Variants in DPP10 observed in about 807,000 individuals in gnomAD.
DPP10 encodes dipeptidyl peptidase like 10, also known as inactive dipeptidyl peptidase 10.
A neutral mutation model predicts 120.9 loss-of-function variants in DPP10; 33 were observed. That is an observed-to-expected ratio of 0.27 (90% CI 0.21 to 0.37). The LOEUF (loss-of-function observed/expected upper bound fraction) is 0.37, where lower values mean the gene tolerates loss of function less well. Among genes scored for constraint, DPP10 ranks in the 10% least tolerant of loss-of-function variants. DPP10 has a pLI of 1.00. For synonymous variants in DPP10, 337 were observed against 326.1 expected, an observed-to-expected ratio of 1.03 and a Z score of -0.36; for missense variants, 816 against 942.8, an observed-to-expected ratio of 0.87 and a Z score of 1.76.
intron 2 of DPP10, among the ~76,000 whole-genome samples, chr2:115,337,885 A>G (rs924919064): frequency 1.3e-5 from 2 of 151,956 alleles, no homozygotes; most frequent in Non-Finnish European, 2.9e-5. Flanking sequence ...TGAAGTATAT[A>G]GTTTTCTCAG....
At chr2:115,220,926 TATA>T (rs2105415292) in intron 1 of DPP10, among the ~76,000 whole-genome samples, 1 of 135,694 alleles carries the variant, frequency 7.4e-6, no homozygotes, top group East Asian at 2.2e-4. Flanking sequence ...TATATTCATA[TATA>T]ATATTTATAT....
At chr2:114,494,115 A>AAAAAAAAAC (rs1558810512) in intron 1 of DPP10, among the ~76,000 whole-genome samples, 2 of 142,546 alleles carry the variant, frequency 1.4e-5, no homozygotes, top group Non-Finnish European at 3.1e-5. Flanking sequence ...AAAAAAAAAA[A>AAAAAAAAAC]AAAAAACCCA....
chr2:115,317,425 A>C (rs1331394779), intron 2 of DPP10, among the ~76,000 whole-genome samples: 1 of 152,086 alleles, frequency 6.6e-6, no homozygotes, highest in East Asian at 1.9e-4. Context: ...AGATTGTGCT[A>C]CTGTGAACCT....
At chr2:115,528,714 A>G (rs1381257988) in intron 5 of DPP10, among the ~76,000 whole-genome samples, 2 of 152,112 alleles carry the variant, frequency 1.3e-5, no homozygotes, top group East Asian at 3.8e-4. Context: ...GTAGACAGAA[A>G]CATGGATAAA....
intron 3 of DPP10, among the ~76,000 whole-genome samples, chr2:115,483,524 A>G (rs1392861595): frequency 6.6e-6 from 1 of 151,366 alleles, no homozygotes; most frequent in Non-Finnish European, 1.5e-5. Context: ...TGTAAAACTA[A>G]TATTGTTTGG....
At chr2:114,842,958 T>C (rs529965168) in intron 1 of DPP10, among the ~76,000 whole-genome samples, 22 of 152,064 alleles carry the variant, frequency 1.4e-4, no homozygotes, top group Non-Finnish European at 2.9e-4. Flanking sequence ...GCACTGCCCA[T>C]AACATCAGAG....
intron 1 of DPP10, among the ~76,000 whole-genome samples, chr2:114,659,791 T>C (rs1697255224): frequency 6.6e-6 from 1 of 152,122 alleles, no homozygotes; most frequent in South Asian, 2.1e-4. Flanking sequence ...TGTCTAGTTT[T>C]GTTATAAGGA....
chr2:114,685,794 T>C (rs1362021573), intron 1 of DPP10, among the ~76,000 whole-genome samples: 2 of 151,960 alleles, frequency 1.3e-5, no homozygotes, highest in African/African-American at 2.4e-5. Context: ...TGCCACCTTA[T>C]TAAGACCCCA....
intron 1 of DPP10, among the ~76,000 whole-genome samples, chr2:115,006,808 A>G (rs994685536): frequency 6.6e-6 from 1 of 151,872 alleles, no homozygotes; most frequent in Non-Finnish European, 1.5e-5. Context: ...AGACAGATCA[A>G]TGAGACAGAA....
intron 3 of DPP10, among the ~76,000 whole-genome samples, chr2:115,375,648 G>C (rs1053325795): frequency 6.6e-6 from 1 of 152,148 alleles, no homozygotes; most frequent in Non-Finnish European, 1.5e-5. Flanking sequence ...CCTGAGACTG[G>C]ATAATTTATG....
intron 3 of DPP10, among the ~76,000 whole-genome samples, chr2:115,373,603 A>G (rs1258680930): frequency 6.6e-6 from 1 of 152,088 alleles, no homozygotes; most frequent in Non-Finnish European, 1.5e-5. Context: ...AAAAGGAAGA[A>G]TGTTTTCAAA....
chr2:115,014,507 A>G (rs1355341572), intron 1 of DPP10, among the ~76,000 whole-genome samples: 1 of 152,174 alleles, frequency 6.6e-6, no homozygotes, highest in African/African-American at 2.4e-5. Context: ...GCAGAACTGA[A>G]GGAGATTAGA....
At chr2:115,715,028 CAAAAAAAA>C (rs70941091) in intron 7 of DPP10, among the ~76,000 whole-genome samples, 1 of 66,156 alleles carries the variant, frequency 1.5e-5, no homozygotes, top group Non-Finnish European at 2.8e-5. Context: ...GACTCTGTCT[CAAAAAAAA>C]AAAAAAAAAA....
intron 1 of DPP10, among the ~76,000 whole-genome samples, chr2:114,879,468 G>A (rs1290000669): frequency 6.6e-6 from 1 of 152,008 alleles, no homozygotes; most frequent in Non-Finnish European, 1.5e-5. Context: ...GAAATTTCAG[G>A]ACTTGAGAAT....
chr2:115,216,870 G>C (rs4619624), intron 1 of DPP10, among the ~76,000 whole-genome samples: 152,005 of 152,016 alleles, frequency 1, 75,997 homozygotes, highest in Middle Eastern at 1. Context: ...TTTGGACATA[G>C]ACATATACGT....
chr2:115,208,131 A>G lies in DPP10; in HGVS notation c.61-101108A>G, dbSNP rs191337344. On this transcript the variant is annotated intron_variant, in intron 1 of 25. Coordinates refer to ENST00000410059, the MANE Select transcript of DPP10 (RefSeq NM_020868.6). ...CTTGATAAAAGCTTTAAAGCTAGAT[A>G]GTATCAAAGCTAGAATCACAATCCA... 2.6e-5 allele frequency among the ~76,000 whole-genome samples: 4 copies of G among 152,160 alleles called. No homozygotes were observed. In the East Asian group the frequency reaches 7.7e-4, roughly 29 times the overall value.
intron 1 of DPP10, among the ~76,000 whole-genome samples, chr2:115,132,417 C>T: frequency 6.6e-6 from 1 of 152,118 alleles, no homozygotes; most frequent in East Asian, 1.9e-4. Flanking sequence ...AAATTTCCCC[C>T]ACAAAAGACA....
At chr2:115,113,062 A>T (rs1390444276) in intron 1 of DPP10, among the ~76,000 whole-genome samples, 1 of 152,024 alleles carries the variant, frequency 6.6e-6, no homozygotes, top group Non-Finnish European at 1.5e-5. Flanking sequence ...TGGTTCCCAA[A>T]GTGACTAAGT....
chr2:115,825,895 T>C (rs1458079146), intron 21 of DPP10, among the ~76,000 whole-genome samples: 1 of 152,174 alleles, frequency 6.6e-6, no homozygotes, highest in East Asian at 1.9e-4. Flanking sequence ...CCCAATGAGC[T>C]GGGCAGAAGA....
Sources: allele counts gnomAD v4.1 joint callset (sites outside exome capture counted in the v4.1 genomes callset), GRCh38; gene constraint gnomAD v4.1.1; transcripts MANE v1.5; gene names NCBI Gene and HGNC (gene_info 2026-07-23, HGNC 2026-07-21).